Variants in SLC39A11 observed in about 807,000 individuals in gnomAD.
SLC39A11 encodes the protein zinc transporter ZIP11.
A neutral mutation model predicts 36.1 loss-of-function variants in SLC39A11; 33 were observed. The ratio of observed to expected loss-of-function variants is 0.91; its 90% confidence interval spans 0.69 to 1.22. The LOEUF is 1.22. Ranked by LOEUF, SLC39A11 falls within the 50% of genes most tolerant of loss-of-function variation. The pLI is 0.00. For missense variants in SLC39A11, 432 were observed against 430.3 expected (o/e 1.00, Z -0.03); for synonymous variants, 166 against 170.3 (o/e 0.97, Z 0.20).
chr17:72,697,036 C>G (rs937182201), intron 7 of SLC39A11, among the ~76,000 whole-genome samples: 7 of 152,194 alleles, frequency 4.6e-5, no homozygotes, highest in Non-Finnish European at 7.3e-5. Flanking sequence ...AGCCATAACA[C>G]CAGACGTTTC....
intron 7 of SLC39A11, among the ~76,000 whole-genome samples, chr17:72,707,835 C>T (rs538724602): frequency 8.5e-5 from 13 of 152,300 alleles, no homozygotes; most frequent in Admixed American, 7.8e-4. Flanking sequence ...CTCTTTTTAT[C>T]CATTCTTCTC....
chr17:72,750,249 G>A (rs1427351603), intron 6 of SLC39A11, among the ~76,000 whole-genome samples: 3 of 152,092 alleles, frequency 2.0e-5, no homozygotes, highest in Non-Finnish European at 4.4e-5. Flanking sequence ...TGAAGAGGTC[G>A]TGCAGTCTGG....
chr17:73,048,679 G>A (rs1029034638), intron 3 of SLC39A11, among the ~76,000 whole-genome samples: 2 of 152,104 alleles, frequency 1.3e-5, no homozygotes, highest in African/African-American at 2.4e-5. Flanking sequence ...CCTACCTCCT[G>A]AGGTGGAGCT....
At chr17:73,056,388 G>C (rs576214128) in intron 3 of SLC39A11, among the ~76,000 whole-genome samples, 8 of 152,088 alleles carry the variant, frequency 5.3e-5, no homozygotes, top group African/African-American at 1.7e-4. Flanking sequence ...AGGCTGGTCT[G>C]GAACTCCTGA....
chr17:72,739,147 A>G (rs1346870007), intron 6 of SLC39A11, among the ~76,000 whole-genome samples: 1 of 133,188 alleles, frequency 7.5e-6, no homozygotes, highest in African/African-American at 2.8e-5. Flanking sequence ...TTTTTTTTTG[A>G]GACACAGTCT....
intron 5 of SLC39A11, among the ~76,000 whole-genome samples, chr17:72,938,386 G>A (rs2084899956): frequency 1.3e-5 from 2 of 152,018 alleles, no homozygotes; most frequent in Non-Finnish European, 2.9e-5. Flanking sequence ...TTTCCTTCTC[G>A]AAGGCTGACT....
At chr17:72,721,933 A>G (rs563815675) in intron 7 of SLC39A11, among the ~76,000 whole-genome samples, 13 of 145,070 alleles carry the variant, frequency 9.0e-5, no homozygotes, top group African/African-American at 3.4e-4. Context: ...TGGCGCCACT[A>G]CATTCCAGCC....
chr17:72,724,447 G>A (rs776375005), intron 7 of SLC39A11, among the ~76,000 whole-genome samples: 3 of 152,158 alleles, frequency 2.0e-5, no homozygotes, highest in Non-Finnish European at 2.9e-5. Context: ...TCAAGAAAGC[G>A]GTGGGGGGGA....
Position 72,941,850 on chromosome 17 carries a change from G to C in SLC39A11, c.430+5902C>G, listed in dbSNP as rs190827917. Among the ~76,000 whole-genome samples, 165 of 143,102 alleles carry C rather than the reference G, an allele frequency of 1.2e-3. 3 individuals are homozygous for C. The East Asian group carries it at 0.025, about 22-fold the overall frequency. The allele number at this position is 143,102 out of a possible 152,430, so 93.9% of individuals were successfully genotyped here. ...TTTTGTGCGGCACATTTTAACGCTGGTTTGCTTCATTCTATTTATTTATTT... is the reference window on the plus strand; with the variant it reads ...TTTTGTGCGGCACATTTTAACGCTGCTTTGCTTCATTCTATTTATTTATTT... On this transcript the variant is annotated intron_variant, in intron 5 of 9. Coordinates refer to ENST00000255559, the MANE Select transcript of SLC39A11 (RefSeq NM_139177.4).
intron 5 of SLC39A11, among the ~76,000 whole-genome samples, chr17:72,943,922 CA>C (rs2085269901): frequency 6.6e-6 from 1 of 152,126 alleles, no homozygotes; most frequent in South Asian, 2.1e-4. Flanking sequence ...AGTGTACAAC[CA>C]CAGGGGGAAC....
intron 5 of SLC39A11, among the ~76,000 whole-genome samples, chr17:72,926,036 C>G (rs191874905): frequency 1.8e-4 from 28 of 152,306 alleles, no homozygotes; most frequent in Non-Finnish European, 3.2e-4. Context: ...CAATCTAATG[C>G]AAGGAATATG....
At chr17:72,995,995 C>T (rs2089482820) in intron 4 of SLC39A11, among the ~76,000 whole-genome samples, 1 of 152,046 alleles carries the variant, frequency 6.6e-6, no homozygotes, top group African/African-American at 2.4e-5. Context: ...AAATGCCACC[C>T]TAATCCCCAC....
At chr17:72,851,957 C>T (rs571394900) in intron 5 of SLC39A11, among the ~76,000 whole-genome samples, 1 of 151,972 alleles carries the variant, frequency 6.6e-6, no homozygotes, top group South Asian at 2.1e-4. Context: ...AATCCCAGCA[C>T]TTTGGGAGGC....
chr17:72,968,982 G>T (rs1446474695), intron 4 of SLC39A11, among the ~76,000 whole-genome samples: 3 of 151,948 alleles, frequency 2.0e-5, no homozygotes, highest in African/African-American at 7.3e-5. Context: ...TGATGCACGT[G>T]CTCAGGTCTA....
At chr17:72,967,610 C>T (rs1042949582) in intron 4 of SLC39A11, among the ~76,000 whole-genome samples, 3 of 152,030 alleles carry the variant, frequency 2.0e-5, no homozygotes, top group Non-Finnish European at 2.9e-5. Context: ...TAATCCGTGA[C>T]GAAAAGCTCC....
chr17:72,799,962 C>A (rs1030451204), intron 6 of SLC39A11, among the ~76,000 whole-genome samples: 2 of 151,992 alleles, frequency 1.3e-5, no homozygotes, highest in African/African-American at 4.8e-5. Context: ...GAGACTCAGG[C>A]GGGCATCACG....
chr17:72,716,075 C>T (rs2073348527), intron 7 of SLC39A11, among the ~76,000 whole-genome samples: 3 of 152,176 alleles, frequency 2.0e-5, no homozygotes, highest in Admixed American at 2.0e-4. Context: ...CTCCCGCCCT[C>T]GTTCTCCTCG....
At chr17:73,081,128 AAAAC>A (rs1252829079) in intron 3 of SLC39A11, among the ~76,000 whole-genome samples, 1 of 152,136 alleles carries the variant, frequency 6.6e-6, no homozygotes, top group African/African-American at 2.4e-5. Context: ...CAGCAAGAAA[AAAAC>A]AAACAATCCC....
At chr17:72,849,009 T>C (rs113508459) in intron 6 of SLC39A11, among the ~76,000 whole-genome samples, 3,494 of 152,292 alleles carry the variant, frequency 0.023, 137 homozygotes, top group African/African-American at 0.08. Flanking sequence ...TTAGTACATA[T>C]AGTGTATGTT....
Sources: allele counts gnomAD v4.1 joint callset (sites outside exome capture counted in the v4.1 genomes callset), GRCh38; gene constraint gnomAD v4.1.1; transcripts MANE v1.5; gene names NCBI Gene and HGNC (gene_info 2026-07-23, HGNC 2026-07-21).